RRP1B: variants seen among roughly 807,000 people sequenced by gnomAD.
RRP1B encodes ribosomal RNA processing 1B, also known as ribosomal RNA processing protein 1 homolog B.
Under a neutral mutation model 80.2 loss-of-function variants are expected in RRP1B, and 56 were observed. The ratio of observed to expected loss-of-function variants is 0.70; its 90% confidence interval spans 0.56 to 0.87. The LOEUF (loss-of-function observed/expected upper bound fraction) is 0.87. RRP1B is among the 40% of genes least tolerant of loss of function. The pLI is 0.00. For synonymous variants in RRP1B, 351 were observed against 357.6 expected (o/e 0.98, Z 0.21); for missense variants, 807 against 939.8 (o/e 0.86, Z 1.85).
intron 1 of RRP1B, among the ~76,000 whole-genome samples, chr21:43,666,966 T>G (rs561549594): frequency 6.6e-6 from 1 of 152,226 alleles, no homozygotes; most frequent in African/African-American, 2.4e-5. Flanking sequence ...TCCTGTTGTC[T>G]CACTTACCAT....
At chr21:43,672,005 A>G (rs1487149742) in intron 2 of RRP1B, among the ~76,000 whole-genome samples, 1 of 152,226 alleles carries the variant, frequency 6.6e-6, no homozygotes, top group African/African-American at 2.4e-5. Context: ...TTATAAAGCC[A>G]GGAACTGATA....
At chr21:43,661,762 C>T (rs2082958586) in intron 1 of RRP1B, among the ~76,000 whole-genome samples, 1 of 152,194 alleles carries the variant, frequency 6.6e-6, no homozygotes, top group Admixed American at 6.5e-5. Flanking sequence ...GCTCTTCCTG[C>T]CTAAGCCCCG....
chr21:43,690,218 G>A (rs942379272), intron 13 of RRP1B, 70 bp from the exon 14 acceptor site: 1 of 1,558,536 alleles, frequency 6.4e-7, no homozygotes, highest in South Asian at 1.2e-5. Context: ...TTCCCCTCCT[G>A]TGTGTGTGGG....
In RRP1B at chr21:43,693,232, G is replaced by A. The variant is rs565245540; in HGVS notation, c.2126G>A (p.Gly709Asp). ...AAGAGTATCTTGGTCAGTCCCACGG[G>A]CCCTTCTCGAGTGGCCTTCGACCCT... ...TDKSILVSPT[G>D]PSRVAFDPEQ... Residue 709 changes from glycine (G) to aspartate (D), a missense_variant, in exon 16 of 16, where the codon GGC (glycine) becomes GAC (aspartate). By Grantham distance (94) the Gly-to-Asp change is moderately conservative. Transcript: ENST00000340648. The surrounding 1 kb of genome is among the most constrained non-coding windows in gnomAD (Gnocchi z 4.1). The A allele has an allele frequency of 1.2e-6, 2 of 1,614,030 alleles. No individual in the cohort carries two copies. Among genetic ancestry groups the A allele is most frequent in the Admixed American group, 1.7e-5 (1 of 60,004 alleles).
intron 13 of RRP1B, among the ~76,000 whole-genome samples, chr21:43,689,873 T>C (rs960507407): frequency 6.6e-6 from 1 of 152,200 alleles, no homozygotes; most frequent in African/African-American, 2.4e-5. Context: ...ACGCAATGAG[T>C]GTCCTGGGCC....
rs535291314 is a variant in RRP1B at position 43,678,071 on chromosome 21, G to C, written c.796+1157G>C. Among the ~76,000 whole-genome samples the C allele has an allele frequency of 4.6e-5, 7 of 152,292 alleles. No homozygotes were observed. The East Asian group carries it at 1.3e-3, about 29-fold the overall frequency. ...GTGGATCTACTTTTAGTTCTTTAAG[G>C]AATCTCCACACTGTTTTCCACAGTG... On this transcript the variant is annotated intron_variant, in intron 8 of 15. Transcript: ENST00000340648.
intron 1 of RRP1B, among the ~76,000 whole-genome samples, chr21:43,666,645 G>A (rs1323086651): frequency 6.6e-6 from 1 of 151,854 alleles, no homozygotes; most frequent in Non-Finnish European, 1.5e-5. Flanking sequence ...TTGAACCTGG[G>A]CAGCAGAGGT....
At chr21:43,689,267 A>G (rs1341672772) in intron 13 of RRP1B, among the ~76,000 whole-genome samples, 1 of 152,250 alleles carries the variant, frequency 6.6e-6, no homozygotes, top group Non-Finnish European at 1.5e-5. Context: ...TCTGCCCTTC[A>G]CAGAGTTTGC....
At chr21:43,686,693 G>T in intron 11 of RRP1B, 111 bp from the exon 12 acceptor site, 8 of 1,273,408 alleles carry the variant, frequency 6.3e-6, no homozygotes. Context: ...GGGAGAAACG[G>T]TGAGGAACGA....
Position 43,686,953 on chromosome 21 carries a change from AAAG to A in RRP1B, c.1141+22_1141+24del, listed in dbSNP as rs2083065439. On this transcript the variant is annotated intron_variant, in intron 12 of 15. Coordinates refer to ENST00000340648, the MANE Select transcript of RRP1B (RefSeq NM_015056.3). ...GGAGAAAGGTAAGCTGTAAAGCTAA[AAAG>A]AAGGGCACGACTCAGCCCTTGGGGA... The A allele has an allele frequency of 1.2e-6, 2 of 1,610,542 alleles. No individual in the cohort carries two copies. The highest frequency in any genetic ancestry group is 1.7e-6 in the Non-Finnish European group (2 of 1,179,498).
intron 2 of RRP1B, 78 bp downstream of exon 2, chr21:43,670,044 A>C: frequency 9.7e-7 from 1 of 1,034,834 alleles, no homozygotes; most frequent in African/African-American, 1.6e-5. Context: ...ATGCTGTGCC[A>C]GTCCCCCGAT....
At chr21:43,674,764 T>C (rs2083014826) in intron 5 of RRP1B, 67 bp downstream of exon 5, 3 of 1,390,710 alleles carry the variant, frequency 2.2e-6, no homozygotes, top group African/African-American at 2.9e-5. Context: ...GTGTCAAGTT[T>C]TCTGAACTTG....
At chr21:43,673,999 G>T in intron 4 of RRP1B, 44 bp downstream of exon 4, 1 of 1,403,914 alleles carries the variant, frequency 7.1e-7, no homozygotes, top group Non-Finnish European at 1.0e-6. Context: ...GGGAAGAAAA[G>T]AATGTCCTTT....
At position 43,676,739 on chromosome 21, in the gene RRP1B, C is replaced by T; in HGVS notation, c.621C>T (p.Thr207=). The stretch of plus-strand genomic sequence containing the variant: ...GCTGTGCTTCTACCCTCAGCCACAC[C>T]CTGGTACAGACCATAGCTCGGGGTG... ...CKIAAKTKDH[T]LVQTIARGVF... Residue 207 remains threonine, a synonymous_variant, in exon 8 of 16, where the codon ACC becomes ACT. Transcript: ENST00000340648. 6.2e-7 allele frequency: 1 copy of T among 1,613,902 alleles called. No homozygotes were observed. Among genetic ancestry groups the T allele is most frequent in the Non-Finnish European group, 8.5e-7 (1 of 1,179,958 alleles).
rs752373779 is a variant in RRP1B, at chr21:43,684,621, C to T, written c.960C>T (p.Asn320=). Reference sequence around the variant, plus strand: ...GCAGGAAGAACACGCCCCACTTCAACAGGAAGCGCCTCTCCAAACTCATCA... The same window carrying T: ...GCAGGAAGAACACGCCCCACTTCAATAGGAAGCGCCTCTCCAAACTCATCA... ...MTSRKNTPHF[N]RKRLSKLIKK... Residue 320 remains asparagine (N), a synonymous_variant, in exon 10 of 16, where the codon AAC becomes AAT. Coordinates refer to ENST00000340648, the MANE Select transcript of RRP1B (RefSeq NM_015056.3). The T allele has an allele frequency of 9.3e-6, 15 of 1,614,068 alleles. No homozygotes were observed. Among genetic ancestry groups the T allele is most frequent in the Middle Eastern group, 1.6e-4 (1 of 6,082 alleles).
intron 8 of RRP1B, among the ~76,000 whole-genome samples, chr21:43,677,719 C>T (rs2083028197): frequency 6.6e-6 from 1 of 151,996 alleles, no homozygotes; most frequent in South Asian, 2.1e-4. Flanking sequence ...TGTTTTTAAA[C>T]GTTTATTTGT....
chr21:43,665,521 C>T (rs990226541), intron 1 of RRP1B, among the ~76,000 whole-genome samples: 3 of 152,138 alleles, frequency 2.0e-5, no homozygotes, highest in South Asian at 2.1e-4. Flanking sequence ...AGAACATCTA[C>T]GCCATGCTAG....
At chr21:43,673,172 T>C (rs1212970932) in intron 3 of RRP1B, among the ~76,000 whole-genome samples, 1 of 152,128 alleles carries the variant, frequency 6.6e-6, no homozygotes, top group Non-Finnish European at 1.5e-5. Flanking sequence ...TTTGAACTGA[T>C]TGTGAGGTAC....
intron 1 of RRP1B, among the ~76,000 whole-genome samples, chr21:43,665,766 C>G (rs928954810): frequency 3.3e-5 from 5 of 152,112 alleles, no homozygotes; most frequent in African/African-American, 1.2e-4. Context: ...ATGACAACTC[C>G]CCTTCCCCTC....
Sources: allele counts gnomAD v4.1 joint callset (sites outside exome capture counted in the v4.1 genomes callset), GRCh38; gene constraint gnomAD v4.1.1; non-coding constraint Gnocchi (gnomAD v3.1); transcripts MANE v1.5; gene names NCBI Gene and HGNC (gene_info 2026-07-23, HGNC 2026-07-21).